The following ATP13A3 variants were observed in gnomAD, a reference collection of about 807,000 sequenced individuals.
ATP13A3 encodes ATPase 13A3.
In ATP13A3, 59 loss-of-function variants were observed where a neutral mutation model predicts 158.1. The observed-to-expected ratio is 0.37, with a 90% confidence interval of 0.30 to 0.46. ATP13A3 has a LOEUF of 0.46. Ranked by LOEUF, ATP13A3 falls within the 20% of genes least tolerant of loss-of-function variation. The pLI is 1.00. For synonymous variants in ATP13A3, 491 were observed against 504.3 expected (o/e 0.97, Z 0.35); for missense variants, 1,166 against 1,525.2 (o/e 0.76, Z 3.92).
chr3:194,470,013 C>G (rs748825310), intron 2 of ATP13A3, among the ~76,000 whole-genome samples: 2 of 152,086 alleles, frequency 1.3e-5, no homozygotes, highest in Non-Finnish European at 2.9e-5. Context: ...TGTGACAATT[C>G]TTTATGAGGG....
rs779776111 is a variant in ATP13A3, at chr3:194,404,116, A to C, written c.*1803T>G. On this transcript the variant is annotated 3_prime_UTR_variant, in exon 34 of 34. Transcript: ENST00000645319. ...CATATTTGAAATTAATATGGAAATT[A>C]TAAAATGATCCAGAGAATAAGTAAC... 2.2e-6 allele frequency: 1 copy of C among 451,558 alleles called. No individual in the cohort carries two copies. Among genetic ancestry groups the C allele is most frequent in the South Asian group, 1.6e-5 (1 of 63,338 alleles). 28.0% of individuals were successfully genotyped at this position (451,558 alleles called of 1,614,324 possible). A position where few individuals can be genotyped will look rare whatever the true frequency, so the allele number is the denominator to read the frequency against.
At chr3:194,436,126 T>G (rs1224091346) in intron 20 of ATP13A3, among the ~76,000 whole-genome samples, 1 of 146,830 alleles carries the variant, frequency 6.8e-6, no homozygotes, top group Admixed American at 6.8e-5. Flanking sequence ...AGGTTTTTCA[T>G]TTTTTTTTTT....
intron 14 of ATP13A3, among the ~76,000 whole-genome samples, 178 bp from the exon 15 acceptor site, chr3:194,444,964 G>C (rs1392355921): frequency 6.6e-6 from 1 of 152,110 alleles, no homozygotes; most frequent in South Asian, 2.1e-4. Context: ...TGGCTTCCAG[G>C]ACATATGGTT....
At chr3:194,482,385 G>A (rs1560117783) in intron 2 of ATP13A3, among the ~76,000 whole-genome samples, 2 of 152,236 alleles carry the variant, frequency 1.3e-5, no homozygotes, top group Middle Eastern at 3.4e-3. Context: ...GAGTCACTGT[G>A]CATAACCTAC....
At chr3:194,425,658 T>C (rs1003733484) in intron 29 of ATP13A3, 129 bp from the exon 30 acceptor site, 2 of 690,868 alleles carry the variant, frequency 2.9e-6, no homozygotes, top group Non-Finnish European at 4.7e-6. Flanking sequence ...CAGCAAAAGG[T>C]CCAACAATAT....
At position 194,477,363 on chromosome 3, in the gene ATP13A3, G is replaced by A. The variant is rs1251231650; in HGVS notation, c.-47+8431C>T. On this transcript the variant is annotated intron_variant, in intron 2 of 33. Coordinates refer to ENST00000645319, the MANE Select transcript of ATP13A3 (RefSeq NM_001367549.1). ...GCAGTGCAGCTGAATAAAGGAGACA[G>A]GGCAAGACTGGGTGAAGGAGGGGTG... 5.3e-5 allele frequency among the ~76,000 whole-genome samples: 8 copies of A among 152,218 alleles called. No homozygotes were observed. The East Asian group carries it at 1.3e-3, about 26-fold the overall frequency.
chr3:194,456,309 A>C (rs1426107249), intron 7 of ATP13A3, among the ~76,000 whole-genome samples: 1 of 147,912 alleles, frequency 6.8e-6, no homozygotes, highest in Non-Finnish European at 1.5e-5. Flanking sequence ...CAAGAAGCCA[A>C]ATAAATTTGA....
Position 194,457,103 on chromosome 3 carries a change from T to G in ATP13A3, c.551A>C (p.His184Pro). ...KHSAGLTKGM[H>P]AYRKLLYGVN... ...GTTGGATAAAAATTACCTGTAGGCATGCATCCCCTTTGTCAGTCCTGCACT... is the reference window on the plus strand; with the variant it reads ...GTTGGATAAAAATTACCTGTAGGCAGGCATCCCCTTTGTCAGTCCTGCACT... The change falls in exon 7 of 34, where the codon CAT (histidine) becomes CCT (proline). Residue 184 changes from histidine (H) to proline (P), a missense_variant. By Grantham distance (77) the His-to-Pro change is moderately conservative. Coordinates refer to ENST00000645319, the MANE Select transcript of ATP13A3 (RefSeq NM_001367549.1). 6.2e-7 allele frequency: 1 copy of G among 1,612,130 alleles called. No individual in the cohort carries two copies. The highest frequency in any genetic ancestry group is 8.5e-7 in the Non-Finnish European group (1 of 1,178,788).
At chr3:194,468,152 T>C (rs530637726) in intron 2 of ATP13A3, 1 of 152,292 alleles carries the variant, frequency 6.6e-6, no homozygotes, top group African/African-American at 2.4e-5. Flanking sequence ...AAATTTAGAA[T>C]TTTGTAATTC....
rs1245209902 is a variant in ATP13A3, at chr3:194,412,270, C to T, written c.3502G>A (p.Val1168Ile). Residue 1168 changes from valine to isoleucine, a missense_variant, in exon 33 of 34, where the codon GTC (valine) becomes ATC (isoleucine). By Grantham distance (29) the Val-to-Ile change is conservative. Coordinates refer to ENST00000645319, the MANE Select transcript of ATP13A3 (RefSeq NM_001367549.1). ...ITVENFFLDM[V>I]LWKVVFNRDK... ...CGGTTGAACACAACTTTCCAAAGGA[C>T]CATGTCAAGGAAGAAGTTCTGAGAG... 1.3e-6 allele frequency: 2 copies of T among 1,536,258 alleles called. No homozygotes were observed. Among genetic ancestry groups the T allele is most frequent in the African/African-American group, 1.4e-5 (1 of 73,114 alleles).
chr3:194,429,925 GCAAT>G, intron 26 of ATP13A3, 143 bp downstream of exon 26: 1 of 948,292 alleles, frequency 1.1e-6, no homozygotes, highest in Non-Finnish European at 1.6e-6. Context: ...ATGAGGAGTA[GCAAT>G]CAATCTGTTA....
Position 194,494,279 on chromosome 3 carries a change from T to C in ATP13A3, n.517A>G, listed in dbSNP as rs964676771. On this transcript the variant is annotated splice_region_variant and non_coding_transcript_exon_variant, in exon 2 of 33. Transcript: ENST00000687055. This position sits in a 1 kb window ranked among gnomAD's most constrained non-coding sequence, Gnocchi z 4.2. ...AGCACACAGCGGTAGTCAGAAAGTA[T>C]GCTGAGTAAGTGGAGAACAAGTTAA... 8 of 398,488 alleles carry C rather than the reference T, an allele frequency of 2.0e-5. No individual in the cohort carries two copies. Among genetic ancestry groups the C allele is most frequent in the African/African-American group, 1.6e-4 (8 of 48,590 alleles). The allele number at this position is 398,488 out of a possible 1,614,324, so 24.7% of individuals were successfully genotyped here.
intron 2 of ATP13A3, chr3:194,467,947 G>C (rs1467867955): frequency 6.6e-6 from 1 of 152,086 alleles, no homozygotes; most frequent in Non-Finnish European, 1.5e-5. Flanking sequence ...TTCGATATCA[G>C]AGAAAACAAA....
chr3:194,448,375 G>T lies in ATP13A3; in HGVS notation c.1150+82C>A. 6.6e-7 allele frequency: 1 copy of T among 1,514,016 alleles called. No individual in the cohort carries two copies. The highest frequency in any genetic ancestry group is 9.1e-7 in the Non-Finnish European group (1 of 1,098,596). The allele number at this position is 1,514,016 out of a possible 1,614,324, so 93.8% of individuals were successfully genotyped here. On this transcript the variant is annotated intron_variant, in intron 12 of 33. Coordinates refer to ENST00000645319, the MANE Select transcript of ATP13A3 (RefSeq NM_001367549.1). This position sits in a 1 kb window ranked among gnomAD's most constrained non-coding sequence, Gnocchi z 4.0. ...TTACAGGCGTTAGCCACAGCACCCA[G>T]CCCAGAATCTCTTTTTAAACATTTA... is the stretch of plus-strand genomic sequence containing the variant.
At chr3:194,461,996 T>G in intron 3 of ATP13A3, 144 bp downstream of exon 3, 1 of 730,544 alleles carries the variant, frequency 1.4e-6, no homozygotes, top group Non-Finnish European at 2.3e-6. Context: ...ACAATCCCAA[T>G]TCAAAAGCAC....
chr3:194,474,854 C>T (rs1393284568), intron 2 of ATP13A3, among the ~76,000 whole-genome samples: 1 of 152,216 alleles, frequency 6.6e-6, no homozygotes, highest in African/African-American at 2.4e-5. Flanking sequence ...TCACTGCACA[C>T]TCATGCTTCA....
intron 30 of ATP13A3, among the ~76,000 whole-genome samples, chr3:194,421,520 T>A: frequency 7.2e-6 from 1 of 138,260 alleles, no homozygotes. Flanking sequence ...GCCACTCCAC[T>A]CTAGCCTGGG....
intron 3 of ATP13A3, among the ~76,000 whole-genome samples, chr3:194,461,751 C>T (rs536393551): frequency 1.3e-5 from 2 of 152,026 alleles, no homozygotes; most frequent in African/African-American, 4.8e-5. Flanking sequence ...CTGGCTCCCC[C>T]CAACAAAAAG....
intron 2 of ATP13A3, among the ~76,000 whole-genome samples, chr3:194,483,875 G>A (rs58952553): frequency 0.047 from 7,178 of 152,272 alleles, 417 homozygotes; most frequent in African/African-American, 0.14. Context: ...AATAAGAAAT[G>A]TGATTCTAAG....
Sources: gnomAD v4.1 joint callset for allele counts (sites outside exome capture counted in the v4.1 genomes callset) on GRCh38, gnomAD v4.1.1 for gene constraint, Gnocchi (gnomAD v3.1) non-coding constraint, MANE v1.5 for transcripts, NCBI Gene and HGNC (gene_info 2026-07-23, HGNC 2026-07-21) for gene names.